The following SPTBN1 variants were observed in gnomAD, a reference collection of about 807,000 sequenced individuals.
SPTBN1 encodes spectrin beta, non-erythrocytic 1, also known as spectrin beta chain, non-erythrocytic 1.
In SPTBN1, 32 loss-of-function variants were observed where a neutral mutation model predicts 266.4. The ratio of observed to expected loss-of-function variants is 0.12; its 90% CI spans 0.09 to 0.16. SPTBN1 has a LOEUF of 0.16. Ranked by LOEUF, SPTBN1 falls within the 10% of genes least tolerant of loss-of-function variation. The pLI is 1.00. For synonymous variants in SPTBN1, 1,336 were observed against 1,162.2 expected (o/e 1.15, Z -3.04); for missense variants, 2,296 against 3,067.1 (o/e 0.75, Z 5.94).
At chr2:54,608,503 C>T (rs1223694591) in intron 3 of SPTBN1, among the ~76,000 whole-genome samples, 1 of 152,078 alleles carries the variant, frequency 6.6e-6, no homozygotes, top group African/African-American at 2.4e-5. Flanking sequence ...GTGCGTTCTT[C>T]TACATGTGGA....
chr2:54,659,573 A>G (rs1371828880), intron 31 of SPTBN1, among the ~76,000 whole-genome samples: 2 of 150,690 alleles, frequency 1.3e-5, no homozygotes, highest in Non-Finnish European at 3.0e-5. Context: ...TGAACTGCCC[A>G]GATTTTAGGC....
chr2:54,467,995 G>A (rs1693724074), intron 1 of SPTBN1, among the ~76,000 whole-genome samples: 2 of 152,036 alleles, frequency 1.3e-5, no homozygotes, highest in South Asian at 2.1e-4. Flanking sequence ...ATGTGACCCC[G>A]GAAACATACA....
At position 54,558,084 on chromosome 2, in the gene SPTBN1, G is replaced by A; in HGVS notation, c.148+31518G>A. ...GCCTTTTCAAGTGATAGTAATCGGAGACTTTTCCGTTACATGAGGCTCAAC... is the reference window on the plus strand; with the variant it reads ...GCCTTTTCAAGTGATAGTAATCGGAAACTTTTCCGTTACATGAGGCTCAAC... On this transcript the variant is annotated intron_variant, in intron 2 of 35. Transcript: ENST00000356805. The surrounding 1 kb of genome is among the most constrained non-coding windows in gnomAD (Gnocchi z 4.6). 3.0e-6 allele frequency: 3 copies of A among 985,436 alleles called. No homozygotes were observed. Among genetic ancestry groups the A allele is most frequent in the Non-Finnish European group, 3.6e-6 (3 of 829,920 alleles). The allele number at this position is 985,436 out of a possible 1,614,324, so 61.0% of individuals were successfully genotyped here.
chr2:54,612,047 C>A (rs1677251334), intron 3 of SPTBN1, 114 bp from the exon 4 acceptor site: 1 of 1,032,788 alleles, frequency 9.7e-7, no homozygotes, highest in Non-Finnish European at 1.4e-6. Context: ...TGTTAATGTT[C>A]TGCTCTGAGC....
Position 54,649,674 on chromosome 2 carries a change from C to T in SPTBN1, c.5262C>T (p.Arg1754=), listed in dbSNP as rs371249129. Residue 1754 remains arginine (R), a synonymous_variant, in exon 26 of 36, where the codon CGC becomes CGT. Coordinates refer to ENST00000356805, the MANE Select transcript of SPTBN1 (RefSeq NM_003128.3). This position sits in a 1 kb window ranked among gnomAD's most constrained non-coding sequence, Gnocchi z 6.7. ...ACACCGGGAACATTGGGCAGGAGCG[C>T]GTGGACACGGTCAATCACCTGGCAG... The part of the protein sequence containing the change: ...ARDTGNIGQE[R]VDTVNHLADE... The T allele has an allele frequency of 4.8e-5, 78 of 1,613,830 alleles. No individual in the cohort carries two copies. The highest frequency in any genetic ancestry group is 5.2e-5 in the Non-Finnish European group (61 of 1,179,864).
chr2:54,570,106 G>A lies in SPTBN1; in HGVS notation c.149-28986G>A, dbSNP rs200027907. ...TGGAGCAGCTATTGCTGCAGCCAGC[G>A]AGCATCCAGCACTTGGTCAGAGAGC... On this transcript the variant is annotated intron_variant, in intron 2 of 35. Coordinates refer to ENST00000356805, the MANE Select transcript of SPTBN1 (RefSeq NM_003128.3). Among the ~76,000 whole-genome samples, 6 of 152,258 alleles carry A rather than the reference G, an allele frequency of 3.9e-5. No individual in the cohort carries two copies. In the East Asian group the frequency reaches 7.7e-4, roughly 20 times the overall value.
At chr2:54,484,161 G>C (rs2103956602) in intron 1 of SPTBN1, among the ~76,000 whole-genome samples, 2 of 152,302 alleles carry the variant, frequency 1.3e-5, no homozygotes, top group African/African-American at 4.8e-5. Flanking sequence ...ACTCCATCCT[G>C]GGGGACAGAG....
chr2:54,576,938 G>C (rs1674526889), intron 2 of SPTBN1, among the ~76,000 whole-genome samples: 1 of 152,206 alleles, frequency 6.6e-6, no homozygotes, highest in Admixed American at 6.5e-5. Flanking sequence ...TTTTAAATAT[G>C]ACCTGGATTA....
intron 2 of SPTBN1, among the ~76,000 whole-genome samples, chr2:54,528,875 G>C (rs1021434507): frequency 6.6e-5 from 10 of 152,104 alleles, no homozygotes; most frequent in African/African-American, 1.7e-4. Context: ...ATACTGGATG[G>C]GGGGGCAGGA....
intron 1 of SPTBN1, among the ~76,000 whole-genome samples, chr2:54,457,096 G>A (rs1325955905): frequency 1.3e-5 from 2 of 149,140 alleles, no homozygotes; most frequent in African/African-American, 5.0e-5. Flanking sequence ...AGCCGGAGGC[G>A]GCGGCCCCGC....
rs778807752 is a variant in SPTBN1 at position 54,628,289 on chromosome 2, C to T, written c.1798+39C>T. 1.3e-6 allele frequency: 2 copies of T among 1,570,876 alleles called. No homozygotes were observed. Among genetic ancestry groups the T allele is most frequent in the Non-Finnish European group, 1.7e-6 (2 of 1,159,382 alleles). On this transcript the variant is annotated intron_variant, in intron 13 of 35. Transcript: ENST00000356805. This position sits in a 1 kb window ranked among gnomAD's most constrained non-coding sequence, Gnocchi z 4.3. ...ATTCCAAGCATTACCTCCGGGTCAC[C>T]AGAGATTCATATTTATAGAAACACA...
In SPTBN1 at chr2:54,629,922, C is replaced by T. The variant is rs879236787; in HGVS notation, c.2700C>T (p.Asn900=). 24 of 1,613,988 alleles carry T rather than the reference C, an allele frequency of 1.5e-5. No individual in the cohort carries two copies. Among genetic ancestry groups the T allele is most frequent in the Non-Finnish European group, 1.9e-5 (23 of 1,180,050 alleles). The change falls in exon 15 of 36, where the codon AAC becomes AAT. Residue 900 remains asparagine, a synonymous_variant. Coordinates refer to ENST00000356805, the MANE Select transcript of SPTBN1 (RefSeq NM_003128.3). ...RFESLEPEMN[N]QASRVAVVNQ... ...AGAGCCTAGAACCAGAAATGAACAA[C>T]CAGGCTTCCCGGGTTGCAGTGGTGA... is the stretch of plus-strand genomic sequence containing the variant.
chr2:54,612,328 C>T lies in SPTBN1; in HGVS notation c.468C>T (p.Arg156=). The T allele has an allele frequency of 1.2e-6, 2 of 1,611,698 alleles. No individual in the cohort carries two copies. The highest frequency in any genetic ancestry group is 1.1e-5 in the South Asian group (1 of 90,784). The part of the protein sequence containing the change: ...TLGLIWTIIL[R]FQIQDISVET... ...GCCTCATCTGGACCATCATCCTGCG[C>T]TTCCAGGTAAGGGTCTCTGCCCAGG... is the stretch of plus-strand genomic sequence containing the variant. The change falls in exon 4 of 36, where the codon CGC becomes CGT. Residue 156 remains arginine (R), a synonymous_variant. Coordinates refer to ENST00000356805, the MANE Select transcript of SPTBN1 (RefSeq NM_003128.3).
intron 1 of SPTBN1, among the ~76,000 whole-genome samples, chr2:54,499,040 T>C (rs2104096080): frequency 6.6e-6 from 1 of 152,224 alleles, no homozygotes; most frequent in South Asian, 2.1e-4. Flanking sequence ...TGTTGGCTCA[T>C]GCTTTTCCCT....
chr2:54,456,864 G>C (rs1308021764), intron 1 of SPTBN1, among the ~76,000 whole-genome samples: 2 of 151,524 alleles, frequency 1.3e-5, no homozygotes, highest in Non-Finnish European at 2.9e-5. Context: ...TGCCTCCGCC[G>C]GCGCCTCCCT....
intron 1 of SPTBN1, among the ~76,000 whole-genome samples, chr2:54,517,822 T>A (rs1487540424): frequency 6.6e-6 from 1 of 152,070 alleles, no homozygotes; most frequent in East Asian, 1.9e-4. Flanking sequence ...ATTTTTGTAT[T>A]TTTAGTAGAG....
chr2:54,628,788 T>G lies in SPTBN1; in HGVS notation c.1799-145T>G. The G allele has an allele frequency of 2.8e-6, 3 of 1,082,928 alleles. No individual in the cohort carries two copies. Among genetic ancestry groups the G allele is most frequent in the Non-Finnish European group, 3.9e-6 (3 of 777,874 alleles). 67.1% of individuals were successfully genotyped at this position (1,082,928 alleles called of 1,614,324 possible). A position where few individuals can be genotyped will look rare whatever the true frequency, so the allele number is the denominator to read the frequency against. On this transcript the variant is annotated intron_variant, in intron 13 of 35. Transcript: ENST00000356805. The surrounding 1 kb of genome is among the most constrained non-coding windows in gnomAD (Gnocchi z 4.3). ...AGTCAAGTTGTTAGAAGGTGCTCCA[T>G]TGCCTTATCGCATGGCCCTGCATTT...
At chr2:54,509,349 C>T (rs1669735203) in intron 1 of SPTBN1, among the ~76,000 whole-genome samples, 1 of 152,132 alleles carries the variant, frequency 6.6e-6, no homozygotes, top group Admixed American at 6.5e-5. Flanking sequence ...AGAGTGAGTA[C>T]AGCTGAAGGA....
intron 3 of SPTBN1, among the ~76,000 whole-genome samples, chr2:54,608,155 C>G (rs1370685910): frequency 6.6e-6 from 1 of 152,174 alleles, no homozygotes; most frequent in East Asian, 1.9e-4. Context: ...ATTCAGTTCA[C>G]TGTGCACATA....
Sources: allele counts gnomAD v4.1 joint callset (sites outside exome capture counted in the v4.1 genomes callset), GRCh38; gene constraint gnomAD v4.1.1; non-coding constraint Gnocchi (gnomAD v3.1); transcripts MANE v1.5; gene names NCBI Gene and HGNC (gene_info 2026-07-23, HGNC 2026-07-21).